The following KAZN variants were observed in gnomAD, a reference collection of about 807,000 sequenced individuals.
The protein encoded by KAZN is kazrin, periplakin interacting protein, also known as kazrin.
In KAZN, 40 loss-of-function variants were observed where a neutral mutation model predicts 87.4. The observed-to-expected ratio is 0.46, with a 90% CI of 0.36 to 0.60. The LOEUF (loss-of-function observed/expected upper bound fraction) is 0.60. Ranked by LOEUF, KAZN falls within the 20% of genes least tolerant of loss-of-function variation. KAZN has a pLI of 0.00. For synonymous variants in KAZN, 466 were observed against 458.3 expected (o/e 1.02, Z -0.22); for missense variants, 898 against 1,073.9 (o/e 0.84, Z 2.29).
At chr1:14,054,178 C>T (rs1642455062) in intron 1 of KAZN, among the ~76,000 whole-genome samples, 1 of 151,972 alleles carries the variant, frequency 6.6e-6, no homozygotes, top group South Asian at 2.1e-4. Flanking sequence ...AAAAATCTCA[C>T]ATGTAACTGG....
chr1:14,661,981 T>TAGCC (rs1262020213), intron 1 of KAZN, among the ~76,000 whole-genome samples: 1 of 152,194 alleles, frequency 6.6e-6, no homozygotes, highest in East Asian at 1.9e-4. Context: ...CATCATCTGT[T>TAGCC]AGCCGTGTGA....
chr1:14,029,392 A>G (rs2101318722), intron 1 of KAZN, among the ~76,000 whole-genome samples: 1 of 77,176 alleles, frequency 1.3e-5, no homozygotes, highest in East Asian at 3.1e-4. Flanking sequence ...TCAGATGAGT[A>G]GGTTGTGAAA....
At chr1:14,780,750 C>T (rs910612663) in intron 1 of KAZN, among the ~76,000 whole-genome samples, 1 of 152,126 alleles carries the variant, frequency 6.6e-6, no homozygotes, top group Non-Finnish European at 1.5e-5. Flanking sequence ...AGGTGATGAT[C>T]GTGTATGATT....
At chr1:14,676,720 C>A (rs1572198595) in intron 1 of KAZN, among the ~76,000 whole-genome samples, 1 of 152,120 alleles carries the variant, frequency 6.6e-6, no homozygotes, top group Non-Finnish European at 1.5e-5. Context: ...ATTGTATGAT[C>A]CCATTTATAT....
intron 1 of KAZN, among the ~76,000 whole-genome samples, chr1:14,954,296 T>G (rs1005950525): frequency 1.3e-5 from 2 of 152,262 alleles, no homozygotes; most frequent in African/African-American, 4.8e-5. Context: ...GAGGGCACTG[T>G]GGTTCCCCAG....
chr1:14,020,307 T>G (rs115441268), intron 1 of KAZN, among the ~76,000 whole-genome samples: 4,626 of 152,180 alleles, frequency 0.03, 222 homozygotes, highest in African/African-American at 0.1. Context: ...TGGCTCAGGG[T>G]TTGGGGACCC....
intron 8 of KAZN, among the ~76,000 whole-genome samples, chr1:15,087,820 C>T (rs953872425): frequency 3.9e-5 from 6 of 152,220 alleles, no homozygotes; most frequent in African/African-American, 1.2e-4. Context: ...GCCTCCACTC[C>T]GTCACTGAGT....
intron 1 of KAZN, among the ~76,000 whole-genome samples, chr1:14,043,323 C>A (rs566573195): frequency 6.6e-5 from 10 of 152,308 alleles, no homozygotes; most frequent in Admixed American, 1.3e-4. Context: ...ACCAATTTTA[C>A]TTATCCATTA....
intron 2 of KAZN, among the ~76,000 whole-genome samples, chr1:14,592,589 G>A (rs1543362): frequency 0.24 from 36,498 of 152,068 alleles, 6,315 homozygotes; most frequent in African/African-American, 0.49. Flanking sequence ...TCTTCGCTTC[G>A]GGAAACACTG....
At chr1:14,199,686 A>G (rs548682624) in intron 2 of KAZN, among the ~76,000 whole-genome samples, 2 of 152,326 alleles carry the variant, frequency 1.3e-5, no homozygotes, top group African/African-American at 2.4e-5. Context: ...TTACCAGCAT[A>G]TCAGGAAAGA....
chr1:14,071,891 C>T (rs1201299058), intron 1 of KAZN, among the ~76,000 whole-genome samples: 1 of 152,208 alleles, frequency 6.6e-6, no homozygotes, highest in African/African-American at 2.4e-5. Context: ...GAATTCTGCT[C>T]CTCCCAACTA....
At chr1:14,049,929 C>T (rs1642238806) in intron 1 of KAZN, among the ~76,000 whole-genome samples, 1 of 152,208 alleles carries the variant, frequency 6.6e-6, no homozygotes, top group South Asian at 2.1e-4. Context: ...TCAACCTGGC[C>T]AGTGAGGTCC....
chr1:14,092,557 A>G (rs1350793388), intron 1 of KAZN, among the ~76,000 whole-genome samples: 1 of 128,534 alleles, frequency 7.8e-6, no homozygotes, highest in Non-Finnish European at 1.8e-5. Flanking sequence ...ATGTACATAT[A>G]CACACATATA....
intron 2 of KAZN, among the ~76,000 whole-genome samples, chr1:14,420,925 C>CTCCACACCTCCCCTCCACACCTCCCT (rs1330014524): frequency 2.0e-5 from 3 of 148,550 alleles, no homozygotes; most frequent in Non-Finnish European, 4.5e-5. Flanking sequence ...CACACCTCCC[C>CTCCACACCTCCCCTCCACACCTCCCT]GCAAGCAGAG....
At position 14,819,441 on chromosome 1, in the gene KAZN, T is replaced by C. The variant is rs1001102438; in HGVS notation, c.227-141243T>C. On this transcript the variant is annotated intron_variant, in intron 1 of 14. Coordinates refer to ENST00000376030, the MANE Select transcript of KAZN (RefSeq NM_201628.3). ...CAAATCATCTGGCTTTAAGTCAAGG[T>C]GAGGACCGTTGTTCTTATGGGTGGG... Among the ~76,000 whole-genome samples, 16 of 152,270 alleles carry C rather than the reference T, an allele frequency of 1.1e-4. No homozygotes were observed. The South Asian group carries it at 1.5e-3, about 14-fold the overall frequency.
intron 1 of KAZN, among the ~76,000 whole-genome samples, chr1:13,950,427 T>A (rs1570365534): frequency 6.6e-6 from 1 of 152,340 alleles, no homozygotes; most frequent in East Asian, 1.9e-4. Context: ...TGTCTGTTTC[T>A]CCTTATTGTA....
chr1:14,518,461 G>A (rs1571848725), intron 2 of KAZN, among the ~76,000 whole-genome samples: 1 of 152,132 alleles, frequency 6.6e-6, no homozygotes, highest in African/African-American at 2.4e-5. Flanking sequence ...ATAGACATGA[G>A]CCACTGCACC....
chr1:14,132,383 G>T (rs1645010342), intron 1 of KAZN, among the ~76,000 whole-genome samples: 1 of 152,148 alleles, frequency 6.6e-6, no homozygotes, highest in Non-Finnish European at 1.5e-5. Context: ...TAGGAACTGG[G>T]TGCCCTGGCT....
intron 2 of KAZN, among the ~76,000 whole-genome samples, chr1:14,534,539 G>T (rs946838218): frequency 6.6e-6 from 1 of 152,128 alleles, no homozygotes; most frequent in African/African-American, 2.4e-5. Context: ...CAGCTACTGG[G>T]GAGGCTGAGG....
Sources: gnomAD v4.1 joint callset for allele counts (sites outside exome capture counted in the v4.1 genomes callset) on GRCh38, gnomAD v4.1.1 for gene constraint, MANE v1.5 for transcripts, NCBI Gene and HGNC (gene_info 2026-07-23, HGNC 2026-07-21) for gene names.